Variants in ADCY10 observed in about 807,000 individuals in gnomAD.
ADCY10 encodes adenylate cyclase type 10.
Under a neutral mutation model 183.3 loss-of-function variants are expected in ADCY10, and 156 were observed. The ratio of observed to expected loss-of-function variants is 0.85; its 90% CI spans 0.75 to 0.97. The LOEUF (loss-of-function observed/expected upper bound fraction) is 0.97, where lower values mean the gene tolerates loss of function less well. Among genes scored for constraint, ADCY10 ranks in the 50% least tolerant of loss-of-function variants. The pLI is 0.00. For missense variants in ADCY10, 1,745 were observed against 1,934.3 expected (o/e 0.90, Z 1.84); for synonymous variants, 645 against 670.0 (o/e 0.96, Z 0.58).
rs145398720 is a variant in ADCY10 at position 167,902,573 on chromosome 1, G to A, written c.254-519C>T. Among the ~76,000 whole-genome samples the A allele has an allele frequency of 1.0e-3, 153 of 152,252 alleles. 1 individual carries two copies. The highest frequency in any genetic ancestry group is 3.5e-3 in the African/African-American group (145 of 41,534). On this transcript the variant is annotated intron_variant, in intron 3 of 32. Transcript: ENST00000367851. Reference sequence around the variant, plus strand: ...AATGGCCATTCTCTCTTTTAGTTACGCATCATCATGGATTGGTTAAGCACC... The same window carrying A: ...AATGGCCATTCTCTCTTTTAGTTACACATCATCATGGATTGGTTAAGCACC...
chr1:167,815,000 C>T (rs573539457), intron 31 of ADCY10, among the ~76,000 whole-genome samples: 1 of 152,222 alleles, frequency 6.6e-6, no homozygotes, highest in African/African-American at 2.4e-5. Context: ...TGGCGGGTGC[C>T]TGTAATCCCA....
chr1:167,878,575 G>A lies in ADCY10; in HGVS notation c.1277C>T (p.Thr426Ile). The change falls in exon 12 of 33, where the codon ACC becomes ATC. Residue 426 changes from threonine to isoleucine, a missense_variant. By Grantham distance (89) the Thr-to-Ile change is moderately conservative. Coordinates refer to ENST00000367851, the MANE Select transcript of ADCY10 (RefSeq NM_018417.6). The part of the protein sequence containing the change: ...RMMMYYPGIV[T>I]CDSVTYNGSN... ...CCCATTGTAGGTGACAGAGTCGCAG[G>A]TCACAATTCCTGGGTAGTACATCAT... is the stretch of plus-strand genomic sequence containing the variant. 5 of 1,614,112 alleles carry A rather than the reference G, an allele frequency of 3.1e-6. No individual in the cohort carries two copies. Among genetic ancestry groups the A allele is most frequent in the Non-Finnish European group, 4.2e-6 (5 of 1,180,036 alleles).
chr1:167,818,362 C>T (rs1321888367), intron 30 of ADCY10, 95 bp from the exon 31 acceptor site: 6 of 1,144,940 alleles, frequency 5.2e-6, no homozygotes, highest in Non-Finnish European at 6.6e-6. Context: ...GCTTCCTTTA[C>T]CTGGGTCTCT....
intron 1 of ADCY10, among the ~76,000 whole-genome samples, chr1:167,906,961 C>A (rs1011028435): frequency 2.6e-5 from 4 of 152,114 alleles, no homozygotes; most frequent in Non-Finnish European, 5.9e-5. Flanking sequence ...GTATGGTGTA[C>A]CATACACCTT....
chr1:167,901,267 C>G (rs1571453195), intron 5 of ADCY10, among the ~76,000 whole-genome samples: 1 of 152,066 alleles, frequency 6.6e-6, no homozygotes, highest in African/African-American at 2.4e-5. Flanking sequence ...AGGGGGTGAC[C>G]AGTCTCATGT....
chr1:167,828,819 G>C (rs1663499107), intron 26 of ADCY10, among the ~76,000 whole-genome samples: 1 of 151,998 alleles, frequency 6.6e-6, no homozygotes, highest in African/African-American at 2.4e-5. Context: ...AAAATTAGCT[G>C]GGTGTGGTGG....
intron 25 of ADCY10, among the ~76,000 whole-genome samples, chr1:167,830,402 A>AT (rs1048909608): frequency 8.1e-5 from 12 of 147,380 alleles, no homozygotes; most frequent in Non-Finnish European, 1.0e-4. Context: ...AAAAAAGAGG[A>AT]TTTTTTGTTT....
At position 167,903,905 on chromosome 1, in the gene ADCY10, T is replaced by C. The variant is rs866243164; in HGVS notation, c.235A>G (p.Ile79Val). 2 of 1,612,476 alleles carry C rather than the reference T, an allele frequency of 1.2e-6. No homozygotes were observed. The highest frequency in any genetic ancestry group is 1.7e-6 in the Non-Finnish European group (2 of 1,178,548). Residue 79 changes from isoleucine (I) to valine (V), a missense_variant, in exon 3 of 33, where the codon ATA (isoleucine) becomes GTA (valine). Ile to Val is a conservative substitution (Grantham distance 29). Coordinates refer to ENST00000367851, the MANE Select transcript of ADCY10 (RefSeq NM_018417.6). The stretch of plus-strand genomic sequence containing the variant: ...CACTTACTCTCCACTATTGCACTTA[T>C]GTGGTAGTTGAGGATCTCCACCAAC... ...EQLVEILNYHISAIVEKVLIF... is the reference protein window; with the variant it reads ...EQLVEILNYHVSAIVEKVLIF...
At chr1:167,880,913 T>C (rs921419592) in intron 9 of ADCY10, among the ~76,000 whole-genome samples, 3 of 152,102 alleles carry the variant, frequency 2.0e-5, no homozygotes, top group African/African-American at 7.2e-5. Context: ...AAGTGCTCAG[T>C]TTAAGTCTAT....
intron 7 of ADCY10, among the ~76,000 whole-genome samples, chr1:167,894,959 C>G (rs181898507): frequency 1.3e-5 from 2 of 151,970 alleles, no homozygotes; most frequent in East Asian, 3.9e-4. Context: ...CCAAGGCAGG[C>G]GGATCATGAG....
intron 28 of ADCY10, among the ~76,000 whole-genome samples, chr1:167,823,340 G>A (rs140495287): frequency 2.7e-5 from 4 of 149,190 alleles, no homozygotes; most frequent in East Asian, 2.0e-4. Flanking sequence ...CAGGAGAATC[G>A]CTTGAAACCA....
At chr1:167,822,604 AT>A (rs1558148364) in intron 29 of ADCY10, among the ~76,000 whole-genome samples, 1 of 152,122 alleles carries the variant, frequency 6.6e-6, no homozygotes, top group Non-Finnish European at 1.5e-5. Context: ...CAAATCACCA[AT>A]AGCTACCAGC....
chr1:167,859,219 G>A (rs898077482), intron 16 of ADCY10, among the ~76,000 whole-genome samples: 8 of 152,180 alleles, frequency 5.3e-5, no homozygotes, highest in African/African-American at 1.9e-4. Context: ...TATAAGAGAG[G>A]TGGGGACTGA....
At chr1:167,886,036 C>T (rs889486756) in intron 8 of ADCY10, among the ~76,000 whole-genome samples, 14 of 152,044 alleles carry the variant, frequency 9.2e-5, no homozygotes, top group Admixed American at 3.9e-4. Context: ...CACTGCTCAA[C>T]GAAGTAAAAG....
intron 25 of ADCY10, among the ~76,000 whole-genome samples, chr1:167,830,673 C>A (rs115395764): frequency 0.032 from 4,873 of 152,240 alleles, 153 homozygotes; most frequent in East Asian, 0.15. Flanking sequence ...GGATTGCAAG[C>A]GTGAGCCACT....
chr1:167,811,043 A>G (rs1031791000), intron 31 of ADCY10, 130 bp from the exon 32 acceptor site: 6 of 821,928 alleles, frequency 7.3e-6, no homozygotes, highest in Non-Finnish European at 1.2e-5. Flanking sequence ...TACATTATAG[A>G]GACATACACA....
Position 167,811,625 on chromosome 1 carries a change from T to C in ADCY10, c.4483-712A>G, listed in dbSNP as rs150696174. On this transcript the variant is annotated intron_variant, in intron 31 of 32. Coordinates refer to ENST00000367851, the MANE Select transcript of ADCY10 (RefSeq NM_018417.6). ...AAATAAAGCTGAACAGACTGGAAGA[T>C]CAACAACTATTCTTGGATCCATAAG... Among the ~76,000 whole-genome samples the C allele has an allele frequency of 7.0e-4, 107 of 152,136 alleles. No individual in the cohort carries two copies. The East Asian group carries it at 0.018, about 26-fold the overall frequency.
intron 14 of ADCY10, among the ~76,000 whole-genome samples, chr1:167,868,083 G>A (rs1025100309): frequency 6.6e-6 from 1 of 152,190 alleles, no homozygotes; most frequent in Non-Finnish European, 1.5e-5. Context: ...GAGGAGGTTC[G>A]TAAACTCTCT....
At chr1:167,841,502 CTTTTTT>C (rs71100905) in intron 21 of ADCY10, among the ~76,000 whole-genome samples, 7 of 90,902 alleles carry the variant, frequency 7.7e-5, no homozygotes, top group African/African-American at 3.2e-4. Flanking sequence ...ATATGCTTTC[CTTTTTT>C]TTTTTTTTTT....
Sources: allele counts gnomAD v4.1 joint callset (sites outside exome capture counted in the v4.1 genomes callset), GRCh38; gene constraint gnomAD v4.1.1; transcripts MANE v1.5; gene names NCBI Gene and HGNC (gene_info 2026-07-23, HGNC 2026-07-21).